NRXN3: variants seen among roughly 807,000 people sequenced by gnomAD.
The protein encoded by NRXN3 is neurexin 3.
A neutral mutation model predicts 137.6 loss-of-function variants in NRXN3; 32 were observed. That is an observed-to-expected ratio of 0.23 (90% CI 0.18 to 0.31). The LOEUF is 0.31. Among genes scored for constraint, NRXN3 ranks in the 10% least tolerant of loss-of-function variants. The pLI is 1.00. For synonymous variants in NRXN3, 798 were observed against 784.5 expected, an observed-to-expected ratio of 1.02 and a Z score of -0.29; for missense variants, 1,574 against 2,062.5, an observed-to-expected ratio of 0.76 and a Z score of 4.59.
chr14:79,174,500 T>TA (rs1283679359), intron 15 of NRXN3, among the ~76,000 whole-genome samples: 9 of 106,362 alleles, frequency 8.5e-5, no homozygotes, highest in African/African-American at 1.8e-4. Context: ...TATTGAAAGT[T>TA]TTATATATAT....
chr14:79,539,222 C>G (rs1440769921), intron 16 of NRXN3, among the ~76,000 whole-genome samples: 4 of 152,062 alleles, frequency 2.6e-5, no homozygotes, highest in Non-Finnish European at 5.9e-5. Flanking sequence ...TTAGCAGAGA[C>G]TGGGTTTCAC....
chr14:79,253,365 G>A (rs1215968426), intron 15 of NRXN3, among the ~76,000 whole-genome samples: 2 of 152,092 alleles, frequency 1.3e-5, no homozygotes, highest in Non-Finnish European at 2.9e-5. Flanking sequence ...AAGCTTTCAA[G>A]GACAATGACA....
chr14:79,408,458 A>G (rs1418856170), intron 15 of NRXN3, among the ~76,000 whole-genome samples: 1 of 152,068 alleles, frequency 6.6e-6, no homozygotes, highest in South Asian at 2.1e-4. Context: ...AATTTATGTA[A>G]TATTCTCAGT....
intron 10 of NRXN3, among the ~76,000 whole-genome samples, chr14:78,953,288 C>A (rs1015751735): frequency 1.3e-5 from 2 of 152,106 alleles, no homozygotes; most frequent in Admixed American, 6.5e-5. Flanking sequence ...GCATTATTTC[C>A]TAATATTGCT....
intron 4 of NRXN3, among the ~76,000 whole-genome samples, chr14:78,306,012 G>GT (rs375201630): frequency 7.2e-5 from 11 of 152,094 alleles, no homozygotes; most frequent in African/African-American, 2.7e-4. Context: ...TGAAAAGTGT[G>GT]TTTTTTTCTT....
chr14:78,292,928 C>T (rs915541248), intron 3 of NRXN3, among the ~76,000 whole-genome samples: 5 of 152,106 alleles, frequency 3.3e-5, no homozygotes, highest in Admixed American at 2.0e-4. Flanking sequence ...ATTTTGACCC[C>T]GTTTCTGAGG....
intron 10 of NRXN3, among the ~76,000 whole-genome samples, chr14:78,871,781 G>A (rs1407595208): frequency 6.6e-6 from 1 of 151,972 alleles, no homozygotes; most frequent in Non-Finnish European, 1.5e-5. Flanking sequence ...TTGTTAGTTA[G>A]GTTTATTCTT....
intron 10 of NRXN3, among the ~76,000 whole-genome samples, chr14:78,920,162 C>T (rs1297145661): frequency 6.6e-6 from 1 of 152,154 alleles, no homozygotes; most frequent in Non-Finnish European, 1.5e-5. Context: ...CTCATGTCGT[C>T]CCCACTCAGA....
chr14:79,700,255 C>A (rs1032249539), intron 19 of NRXN3, among the ~76,000 whole-genome samples: 7 of 152,086 alleles, frequency 4.6e-5, no homozygotes, highest in Middle Eastern at 3.4e-3. Flanking sequence ...TATGTGACCC[C>A]ACTACTTTTC....
intron 2 of NRXN3, among the ~76,000 whole-genome samples, chr14:78,273,666 G>A (rs1490531299): frequency 6.6e-6 from 1 of 152,168 alleles, no homozygotes; most frequent in Non-Finnish European, 1.5e-5. Context: ...AAATACATAG[G>A]TAAATATGTG....
chr14:78,691,640 C>A (rs939344327), intron 6 of NRXN3, among the ~76,000 whole-genome samples: 1 of 151,754 alleles, frequency 6.6e-6, no homozygotes, highest in African/African-American at 2.4e-5. Context: ...GGTAAGAGAG[C>A]CCGGGATAGA....
At chr14:79,133,003 G>A (rs1406022951) in intron 15 of NRXN3, among the ~76,000 whole-genome samples, 5 of 152,192 alleles carry the variant, frequency 3.3e-5, no homozygotes, top group Non-Finnish European at 2.9e-5. Context: ...AGGCAAGATG[G>A]TGCTCTGTGT....
intron 15 of NRXN3, among the ~76,000 whole-genome samples, chr14:79,137,383 A>C (rs1020323850): frequency 1.3e-5 from 2 of 152,140 alleles, no homozygotes; most frequent in Non-Finnish European, 2.9e-5. Context: ...TTTGGTGTGA[A>C]TCAATTATGA....
intron 16 of NRXN3, among the ~76,000 whole-genome samples, chr14:79,472,076 A>T (rs2096517069): frequency 6.6e-6 from 1 of 152,146 alleles, no homozygotes; most frequent in South Asian, 2.1e-4. Flanking sequence ...TCCACTTATA[A>T]GGGAGAACAT....
chr14:79,260,132 A>C (rs553358510), intron 15 of NRXN3, among the ~76,000 whole-genome samples: 65 of 152,316 alleles, frequency 4.3e-4, no homozygotes, highest in Middle Eastern at 6.8e-3. Context: ...TGATATGTAC[A>C]AATATGTATC....
At chr14:79,149,948 A>G (rs1205857266) in intron 15 of NRXN3, among the ~76,000 whole-genome samples, 3 of 152,068 alleles carry the variant, frequency 2.0e-5, no homozygotes, top group Non-Finnish European at 4.4e-5. Context: ...GCAAACCACC[A>G]TGGCACACGT....
At chr14:79,090,552 A>C (rs553235410) in intron 15 of NRXN3, among the ~76,000 whole-genome samples, 1 of 152,054 alleles carries the variant, frequency 6.6e-6, no homozygotes, top group South Asian at 2.1e-4. Flanking sequence ...TTGCCCTACA[A>C]ACCTCTCTTA....
chr14:79,283,035 A>G (rs1454879208), intron 15 of NRXN3, among the ~76,000 whole-genome samples: 8 of 152,338 alleles, frequency 5.3e-5, no homozygotes, highest in African/African-American at 1.9e-4. Context: ...TTGCTAATGC[A>G]CTTCTCATTC....
intron 4 of NRXN3, among the ~76,000 whole-genome samples, chr14:78,408,813 C>T (rs1488234098): frequency 6.6e-6 from 1 of 152,220 alleles, no homozygotes; most frequent in East Asian, 1.9e-4. Context: ...CACTTGAAGG[C>T]AAAGTCATAA....
Sources: gnomAD v4.1 joint callset for allele counts (sites outside exome capture counted in the v4.1 genomes callset) on GRCh38, gnomAD v4.1.1 for gene constraint, MANE v1.5 for transcripts, NCBI Gene and HGNC (gene_info 2026-07-23, HGNC 2026-07-21) for gene names.